SLC24A2: variants seen among roughly 807,000 people sequenced by gnomAD.
SLC24A2 encodes the protein sodium/potassium/calcium exchanger 2.
Under a neutral mutation model 62.0 loss-of-function variants are expected in SLC24A2, and 36 were observed. The observed-to-expected ratio is 0.58, with a 90% confidence interval of 0.44 to 0.77. The LOEUF is 0.77. Among genes scored for constraint, SLC24A2 ranks in the 30% least tolerant of loss-of-function variants. The probability of loss-of-function intolerance (pLI) is 0.00; values close to 1 mark genes in which losing one functional copy is unlikely to be tolerated. For synonymous variants in SLC24A2, 358 were observed against 294.0 expected (o/e 1.22, Z -2.23); for missense variants, 846 against 817.9 (o/e 1.03, Z -0.42).
chr9:20,033,982 A>T, the SLC24A2 span, among the ~76,000 whole-genome samples: 2 of 152,216 alleles, frequency 1.3e-5, no homozygotes, highest in Non-Finnish European at 2.9e-5. Flanking sequence ...GTGGCCTTCT[A>T]GGCTGAACCT....
At chr9:20,008,102 G>T in the SLC24A2 span, among the ~76,000 whole-genome samples, 4 of 151,574 alleles carry the variant, frequency 2.6e-5, no homozygotes, top group East Asian at 7.8e-4. Flanking sequence ...TGCCACATTG[G>T]CCAGGCTGGT....
chr9:20,251,436 G>T, the SLC24A2 span, among the ~76,000 whole-genome samples: 4 of 152,082 alleles, frequency 2.6e-5, no homozygotes, highest in African/African-American at 4.8e-5. Context: ...CAAAATAATA[G>T]TCATAACTTT....
At chr9:20,054,116 A>G in the SLC24A2 span, among the ~76,000 whole-genome samples, 1 of 152,098 alleles carries the variant, frequency 6.6e-6, no homozygotes, top group Admixed American at 6.6e-5. Flanking sequence ...GGTGGTGTTT[A>G]GTTGCATGGA....
the SLC24A2 span, among the ~76,000 whole-genome samples, chr9:20,105,382 C>A: frequency 6.6e-6 from 1 of 152,206 alleles, no homozygotes; most frequent in African/African-American, 2.4e-5. Context: ...CACCCCAAAT[C>A]AACAGAATAT....
the SLC24A2 span, among the ~76,000 whole-genome samples, chr9:20,293,633 C>T: frequency 2.0e-5 from 3 of 152,226 alleles, no homozygotes; most frequent in Non-Finnish European, 2.9e-5. Flanking sequence ...ATGCACATAC[C>T]CTTCACTGGG....
the SLC24A2 span, among the ~76,000 whole-genome samples, chr9:20,151,016 A>C: frequency 6.6e-6 from 1 of 151,960 alleles, no homozygotes; most frequent in Admixed American, 6.6e-5. Context: ...CTTTAGACTT[A>C]TCTCCTCAGA....
the SLC24A2 span, among the ~76,000 whole-genome samples, chr9:19,822,102 G>A: frequency 2.0e-5 from 3 of 152,104 alleles, no homozygotes; most frequent in Non-Finnish European, 1.5e-5. Context: ...CAGCTATTGT[G>A]TGCTGGAAGT....
the SLC24A2 span, among the ~76,000 whole-genome samples, chr9:19,825,412 A>T: frequency 6.6e-6 from 1 of 152,074 alleles, no homozygotes; most frequent in Non-Finnish European, 1.5e-5. Context: ...TTGAATGAGG[A>T]ACTTATATCT....
At chr9:19,526,351 C>G (rs1469599665) in intron 9 of SLC24A2, among the ~76,000 whole-genome samples, 2 of 152,166 alleles carry the variant, frequency 1.3e-5, no homozygotes, top group African/African-American at 2.4e-5. Flanking sequence ...TTTCATTTCT[C>G]TTAAGCCTAT....
At chr9:20,284,037 T>G in the SLC24A2 span, among the ~76,000 whole-genome samples, 3 of 152,286 alleles carry the variant, frequency 2.0e-5, no homozygotes, top group South Asian at 4.1e-4. Context: ...TTAACAGGTG[T>G]GGACCATCAG....
At chr9:20,068,106 C>A in the SLC24A2 span, among the ~76,000 whole-genome samples, 1 of 148,164 alleles carries the variant, frequency 6.7e-6, no homozygotes, top group African/African-American at 2.5e-5. Context: ...CTCTGTCACC[C>A]AGGCTGGAGT....
chr9:19,763,919 T>G (rs149716416), intron 2 of SLC24A2, among the ~76,000 whole-genome samples: 31 of 152,336 alleles, frequency 2.0e-4, no homozygotes, highest in African/African-American at 6.7e-4. Flanking sequence ...CTGGTAGAAT[T>G]TGGCTGTGAA....
chr9:19,639,268 T>G (rs1052700661), intron 2 of SLC24A2, among the ~76,000 whole-genome samples: 8 of 152,248 alleles, frequency 5.3e-5, no homozygotes, highest in Non-Finnish European at 7.3e-5. Context: ...TGGCTGCAAT[T>G]CTTCTCTTCC....
the SLC24A2 span, among the ~76,000 whole-genome samples, chr9:20,006,163 C>A: frequency 6.6e-6 from 1 of 151,230 alleles, no homozygotes; most frequent in Non-Finnish European, 1.5e-5. Context: ...ACCTACTTTT[C>A]ATATTTATAT....
intron 7 of SLC24A2, among the ~76,000 whole-genome samples, chr9:19,554,139 G>C (rs879437598): frequency 6.6e-6 from 1 of 152,152 alleles, no homozygotes; most frequent in Non-Finnish European, 1.5e-5. Context: ...GACACTAGGG[G>C]TTCCTTTGCA....
At chr9:20,285,183 T>C in the SLC24A2 span, among the ~76,000 whole-genome samples, 1 of 152,174 alleles carries the variant, frequency 6.6e-6, no homozygotes, top group Non-Finnish European at 1.5e-5. Flanking sequence ...CATGCTGCCC[T>C]CCAAATTCAT....
At chr9:20,112,375 G>GA in the SLC24A2 span, among the ~76,000 whole-genome samples, 1 of 152,152 alleles carries the variant, frequency 6.6e-6, no homozygotes, top group Non-Finnish European at 1.5e-5. Flanking sequence ...TTATTCAAAG[G>GA]AAAAATCAGA....
the SLC24A2 span, among the ~76,000 whole-genome samples, chr9:20,016,158 T>C: frequency 6.6e-6 from 1 of 152,206 alleles, no homozygotes; most frequent in South Asian, 2.1e-4. Context: ...CTTAGCTATA[T>C]AATACTTCCC....
intron 8 of SLC24A2, among the ~76,000 whole-genome samples, chr9:19,547,300 G>T (rs757016379): frequency 2.0e-5 from 3 of 152,162 alleles, no homozygotes; most frequent in African/African-American, 2.4e-5. Context: ...GTAAAGCCCC[G>T]CTGGCTACCC....
Sources: allele counts gnomAD v4.1 joint callset (sites outside exome capture counted in the v4.1 genomes callset), GRCh38; gene constraint gnomAD v4.1.1; transcripts MANE v1.5; gene names NCBI Gene and HGNC (gene_info 2026-07-23, HGNC 2026-07-21).